The following FSTL1 variants were observed in gnomAD, a reference collection of about 807,000 sequenced individuals.
The protein encoded by FSTL1 is follistatin like 1.
FSTL1 carries 24 observed loss-of-function variants against 45.9 expected under a neutral mutation model. The observed-to-expected ratio is 0.52, with a 90% CI of 0.38 to 0.74. The LOEUF (loss-of-function observed/expected upper bound fraction) is 0.74. Ranked by LOEUF, FSTL1 falls within the 30% of genes least tolerant of loss-of-function variation. FSTL1 has a pLI of 0.00. For synonymous variants in FSTL1, 120 were observed against 137.6 expected (o/e 0.87, Z 0.89); for missense variants, 340 against 381.8 (o/e 0.89, Z 0.91).
chr3:120,415,219 C>A (rs1388664128), intron 3 of FSTL1, among the ~76,000 whole-genome samples: 1 of 150,952 alleles, frequency 6.6e-6, no homozygotes, highest in East Asian at 1.9e-4. Context: ...TGGTGTCAAT[C>A]AATGCTACAG....
intron 2 of FSTL1, chr3:120,438,467 C>T (rs145218350): frequency 1.9e-4 from 29 of 152,258 alleles, no homozygotes; most frequent in Admixed American, 2.6e-4. Flanking sequence ...CACTACATGG[C>T]GAGAGAAAGT....
chr3:120,448,647 ACT>A (rs1389103547), intron 2 of FSTL1, among the ~76,000 whole-genome samples: 1 of 151,526 alleles, frequency 6.6e-6, no homozygotes, highest in Non-Finnish European at 1.5e-5. Context: ...CCCCCAACGC[ACT>A]CTGTTTTCAC....
At chr3:120,409,386 C>T in intron 6 of FSTL1, 146 bp downstream of exon 6, 2 of 718,014 alleles carry the variant, frequency 2.8e-6, no homozygotes, top group South Asian at 3.7e-5. Flanking sequence ...ACTTTCACAG[C>T]TTCATGAATG....
chr3:120,429,444 C>T (rs1421218364), intron 2 of FSTL1, among the ~76,000 whole-genome samples: 2 of 152,218 alleles, frequency 1.3e-5, no homozygotes, highest in Non-Finnish European at 1.5e-5. Context: ...CACACTTGGA[C>T]AACAGGCCTA....
rs1340745257 is a variant in FSTL1 at position 120,401,901 on chromosome 3, G to A, written c.805+907C>T. 2.6e-5 allele frequency among the ~76,000 whole-genome samples: 4 copies of A among 152,312 alleles called. No individual in the cohort carries two copies. In the East Asian group the frequency reaches 7.7e-4, roughly 29 times the overall value. ...TAACTTTAGGTTCACCCTAGCTGGT[G>A]AAACTTTTCGGCCTGGTTCCAAATG... is the stretch of plus-strand genomic sequence containing the variant. On this transcript the variant is annotated intron_variant, in intron 9 of 10. Transcript: ENST00000295633.
chr3:120,444,477 G>A (rs1344877939), intron 2 of FSTL1, among the ~76,000 whole-genome samples: 1 of 149,506 alleles, frequency 6.7e-6, no homozygotes, highest in East Asian at 1.9e-4. Flanking sequence ...CCACGTCTGT[G>A]CCATCTCTGA....
chr3:120,393,699 T>C lies in FSTL1; in HGVS notation c.*3253A>G, dbSNP rs1936635083. On this transcript the variant is annotated 3_prime_UTR_variant, in exon 11 of 11. Coordinates refer to ENST00000295633, the MANE Select transcript of FSTL1 (RefSeq NM_007085.5). Reference sequence around the variant, plus strand: ...GCACCTGCTATGGTTTGAATGTTTATGTCCCCCAAAATTCATATGTTAAAA... The same window carrying C: ...GCACCTGCTATGGTTTGAATGTTTACGTCCCCCAAAATTCATATGTTAAAA... The C allele has an allele frequency of 6.6e-6, 1 of 152,218 alleles. No individual in the cohort carries two copies. Among genetic ancestry groups the C allele is most frequent in the Admixed American group, 6.5e-5 (1 of 15,276 alleles). 9.4% of individuals were successfully genotyped at this position (152,218 alleles called of 1,614,324 possible). A position where few individuals can be genotyped will look rare whatever the true frequency, so the allele number is the denominator to read the frequency against.
intron 3 of FSTL1, among the ~76,000 whole-genome samples, chr3:120,412,772 G>A (rs563214946): frequency 6.6e-5 from 10 of 151,728 alleles, no homozygotes; most frequent in Admixed American, 5.2e-4. Flanking sequence ...GCTGAGAGCT[G>A]GGAATGTGGA....
intron 2 of FSTL1, among the ~76,000 whole-genome samples, chr3:120,417,713 A>G (rs1197016151): frequency 6.6e-6 from 1 of 152,216 alleles, no homozygotes; most frequent in Non-Finnish European, 1.5e-5. Context: ...GTTTTTGCTG[A>G]CGAGTTGTTC....
intron 4 of FSTL1, among the ~76,000 whole-genome samples, chr3:120,411,580 G>A (rs775981613): frequency 3.3e-5 from 5 of 152,208 alleles, no homozygotes; most frequent in Non-Finnish European, 5.9e-5. Flanking sequence ...TACTGATGGG[G>A]TCCACCCTAT....
chr3:120,447,381 A>G (rs543277148), intron 2 of FSTL1, among the ~76,000 whole-genome samples: 12 of 152,082 alleles, frequency 7.9e-5, no homozygotes, highest in Admixed American at 1.3e-4. Context: ...TGCCTAGTCC[A>G]TTCACATGTT....
At chr3:120,432,565 ACT>A (rs1228229545) in intron 2 of FSTL1, among the ~76,000 whole-genome samples, 5 of 151,966 alleles carry the variant, frequency 3.3e-5, no homozygotes, top group Admixed American at 2.0e-4. Flanking sequence ...TGCATTAGAA[ACT>A]CTACACAAAA....
intron 7 of FSTL1, among the ~76,000 whole-genome samples, chr3:120,404,369 G>T (rs1203944139): frequency 1.3e-5 from 2 of 152,130 alleles, no homozygotes; most frequent in African/African-American, 2.4e-5. Context: ...GTTTCTTAGC[G>T]ATTAGTTTTT....
intron 2 of FSTL1, among the ~76,000 whole-genome samples, chr3:120,418,853 T>G (rs1245983806): frequency 6.6e-6 from 1 of 152,190 alleles, no homozygotes; most frequent in Non-Finnish European, 1.5e-5. Context: ...TGGCTATTAC[T>G]ACAGTGGGCA....
chr3:120,424,444 C>T (rs539975644), intron 2 of FSTL1, among the ~76,000 whole-genome samples: 1 of 152,308 alleles, frequency 6.6e-6, no homozygotes, highest in Non-Finnish European at 1.5e-5. Context: ...GGAGATGGGA[C>T]TTCATAGAAG....
chr3:120,396,985 T>C lies in FSTL1; in HGVS notation c.894A>G (p.Glu298=), dbSNP rs372103871. 6.2e-7 allele frequency: 1 copy of C among 1,611,478 alleles called. No homozygotes were observed. The highest frequency in any genetic ancestry group is 1.3e-5 in the African/African-American group (1 of 74,850). Residue 298 remains glutamate, a synonymous_variant, in exon 11 of 11, where the codon GAA becomes GAG. Coordinates refer to ENST00000295633, the MANE Select transcript of FSTL1 (RefSeq NM_007085.5). ...QELQKHQETA[E]KTKRVSTKEI ...CTTTGGTGCTCACTCTCTTGGTCTT[T>C]TCAGCTGTTTCCTTTGAGATGCAAG...
At position 120,435,965 on chromosome 3, in the gene FSTL1, T is replaced by C. The variant is rs1161267787; in HGVS notation, c.63+14719A>G. On this transcript the variant is annotated intron_variant, in intron 2 of 10. Coordinates refer to ENST00000295633, the MANE Select transcript of FSTL1 (RefSeq NM_007085.5). ...TGGGGAATTTGGAGGAAAAACGCAA[T>C]TACCTAAGCTGTAAAATGACCAACA... is the stretch of plus-strand genomic sequence containing the variant. 2.6e-5 allele frequency among the ~76,000 whole-genome samples: 4 copies of C among 152,202 alleles called. 1 individual carries two copies. In the South Asian group the frequency reaches 6.2e-4, roughly 24 times the overall value.
chr3:120,445,503 G>A (rs1451793907), intron 2 of FSTL1, among the ~76,000 whole-genome samples: 1 of 148,904 alleles, frequency 6.7e-6, no homozygotes, highest in Non-Finnish European at 1.5e-5. Context: ...AACTTTTCCT[G>A]TATGTAACTT....
chr3:120,450,133 T>G (rs1937851931), intron 2 of FSTL1, among the ~76,000 whole-genome samples: 1 of 152,106 alleles, frequency 6.6e-6, no homozygotes, highest in Admixed American at 6.5e-5. Context: ...AGGGAACACT[T>G]GGGAAAAGGC....
Sources: gnomAD v4.1 joint callset for allele counts (sites outside exome capture counted in the v4.1 genomes callset) on GRCh38, gnomAD v4.1.1 for gene constraint, MANE v1.5 for transcripts, NCBI Gene and HGNC (gene_info 2026-07-23, HGNC 2026-07-21) for gene names.